DCTN5: variants seen among roughly 807,000 people sequenced by gnomAD.
DCTN5 encodes dynactin subunit 5.
DCTN5 carries 14 observed loss-of-function variants against 23.5 expected under a neutral mutation model. The observed-to-expected ratio is 0.60, with a 90% CI of 0.39 to 0.93. DCTN5 has a LOEUF of 0.93. Among genes scored for constraint, DCTN5 ranks in the 40% least tolerant of loss-of-function variants. The pLI is 0.00. For missense variants in DCTN5, 156 were observed against 225.9 expected (o/e 0.69, Z 1.98); for synonymous variants, 67 against 79.6 (o/e 0.84, Z 0.84).
At chr16:23,652,014 AAC>A (rs1271605059) in intron 2 of DCTN5, among the ~76,000 whole-genome samples, 1 of 152,226 alleles carries the variant, frequency 6.6e-6, no homozygotes, top group Non-Finnish European at 1.5e-5. Context: ...CAGCCTGAGC[AAC>A]AGAGTAAGAC....
chr16:23,648,886 C>G (rs1400136566), intron 2 of DCTN5, among the ~76,000 whole-genome samples: 1 of 152,006 alleles, frequency 6.6e-6, no homozygotes, highest in Non-Finnish European at 1.5e-5. Flanking sequence ...GAGACAGAAT[C>G]CCGCTCCATT....
chr16:23,654,211 A>G (rs192341391), intron 2 of DCTN5, among the ~76,000 whole-genome samples: 32 of 152,350 alleles, frequency 2.1e-4, no homozygotes, highest in African/African-American at 7.7e-4. Context: ...TCTATTATAA[A>G]GACATGTGCA....
rs141198848 is a variant in DCTN5 at position 23,656,025 on chromosome 16, A to G, written c.118-2482A>G. On this transcript the variant is annotated intron_variant, in intron 2 of 5. Coordinates refer to ENST00000300087, the MANE Select transcript of DCTN5 (RefSeq NM_032486.4). ...AATTACTTGAGGCCAGGCATTTGTG[A>G]CCAGCCTGGGCAACATAGCAAGACC... is the stretch of plus-strand genomic sequence containing the variant. 5.9e-3 allele frequency among the ~76,000 whole-genome samples: 897 copies of G among 152,260 alleles called. 6 individuals are homozygous for G. Among genetic ancestry groups the G allele is most frequent in the Non-Finnish European group, 0.01 (700 of 68,028 alleles).
chr16:23,642,510 T>C (rs1967310132), intron 1 of DCTN5: 1 of 157,554 alleles, frequency 6.3e-6, no homozygotes, highest in African/African-American at 2.4e-5. Flanking sequence ...TGAGACAGGT[T>C]CTCACTCTGT....
chr16:23,649,857 AAG>A lies in DCTN5; in HGVS notation c.117+6836_117+6837del, dbSNP rs1195450814. Among the ~76,000 whole-genome samples the A allele has an allele frequency of 4.6e-5, 7 of 151,850 alleles. No individual in the cohort carries two copies. The East Asian group carries it at 1.4e-3, about 29-fold the overall frequency. On this transcript the variant is annotated intron_variant, in intron 2 of 5. Coordinates refer to ENST00000300087, the MANE Select transcript of DCTN5 (RefSeq NM_032486.4). ...TGTCTCAAAAAAAAAAAAAAAAAAA[AAG>A]ATTTCATTTTGAGTTGATTTTTGTG...
intron 2 of DCTN5, among the ~76,000 whole-genome samples, chr16:23,652,831 TATA>T (rs1967630092): frequency 6.6e-6 from 1 of 152,220 alleles, no homozygotes; most frequent in Non-Finnish European, 1.5e-5. Context: ...TTAATACATT[TATA>T]AAATTTATAA....
In DCTN5 at chr16:23,641,628, C is replaced by G. The variant is rs757882153; in HGVS notation, c.48+38C>G. 6 of 1,612,088 alleles carry G rather than the reference C, an allele frequency of 3.7e-6. 1 individual carries two copies. In the Admixed American group the frequency reaches 6.7e-5, roughly 18 times the overall value. The stretch of plus-strand genomic sequence containing the variant: ...AGATATGTATCCTCCTCTTTCCAAC[C>G]CTGCGTCCCTTTGAGGCCTGGTCGG... On this transcript the variant is annotated intron_variant, in intron 1 of 5. Transcript: ENST00000300087.
At chr16:23,652,621 A>G (rs1465900934) in intron 2 of DCTN5, among the ~76,000 whole-genome samples, 1 of 152,184 alleles carries the variant, frequency 6.6e-6, no homozygotes, top group African/African-American at 2.4e-5. Flanking sequence ...ATACATTTCT[A>G]TTACTCTAGT....
intron 5 of DCTN5, among the ~76,000 whole-genome samples, chr16:23,666,305 A>T (rs1279188630): frequency 6.6e-6 from 1 of 152,222 alleles, no homozygotes; most frequent in African/African-American, 2.4e-5. Flanking sequence ...CTGAAAAGTT[A>T]GCATAAACCA....
chr16:23,673,533 ATACCT>A lies in DCTN5; in HGVS notation c.*6392_*6396del, dbSNP rs376352078. 40 of 152,370 alleles carry A rather than the reference ATACCT, an allele frequency of 2.6e-4. No individual in the cohort carries two copies. The highest frequency in any genetic ancestry group is 9.6e-4 in the African/African-American group (40 of 41,594). The allele number at this position is 152,370 out of a possible 1,614,324, so 9.4% of individuals were successfully genotyped here. A position where few individuals can be genotyped will look rare whatever the true frequency, so the allele number is the denominator to read the frequency against. ...TGGTTGATTTCATTGCTTAAAAAAC[ATACCT>A]TAGCTGGACGCAGTGGCGTGCGCCT... On this transcript the variant is annotated 3_prime_UTR_variant, in exon 6 of 6. Coordinates refer to ENST00000300087, the MANE Select transcript of DCTN5 (RefSeq NM_032486.4).
At chr16:23,662,399 G>T (rs1328117494) in intron 4 of DCTN5, among the ~76,000 whole-genome samples, 2 of 152,156 alleles carry the variant, frequency 1.3e-5, no homozygotes, top group East Asian at 3.8e-4. Flanking sequence ...CCCAACCAAG[G>T]CTTAACAAGG....
chr16:23,663,771 C>A (rs1967858925), intron 4 of DCTN5, among the ~76,000 whole-genome samples: 1 of 151,944 alleles, frequency 6.6e-6, no homozygotes, highest in African/African-American at 2.4e-5. Context: ...ATTACCAGTA[C>A]ATTCATGCCT....
intron 2 of DCTN5, among the ~76,000 whole-genome samples, chr16:23,654,324 C>A (rs1356016939): frequency 6.6e-6 from 1 of 152,106 alleles, no homozygotes; most frequent in Non-Finnish European, 1.5e-5. Context: ...TACAGGTACA[C>A]CATGAAATAC....
chr16:23,644,189 G>A (rs557277577), intron 2 of DCTN5, among the ~76,000 whole-genome samples: 2 of 151,798 alleles, frequency 1.3e-5, no homozygotes, highest in African/African-American at 2.4e-5. Flanking sequence ...GTACAGTGGC[G>A]CGATCTTGGC....
At chr16:23,662,322 C>T (rs754191797) in intron 4 of DCTN5, among the ~76,000 whole-genome samples, 11 of 152,042 alleles carry the variant, frequency 7.2e-5, no homozygotes, top group Non-Finnish European at 1.0e-4. Context: ...AGGGTGCAAG[C>T]GGGCCCCTTG....
At chr16:23,665,560 A>T in intron 4 of DCTN5, 66 bp from the exon 5 acceptor site, 4 of 1,458,716 alleles carry the variant, frequency 2.7e-6, no homozygotes, top group Non-Finnish European at 2.8e-6. Context: ...ATGAATGGGG[A>T]AAATAGAAAG....
chr16:23,651,227 G>A (rs1459488844), intron 2 of DCTN5: 33 of 1,012,598 alleles, frequency 3.3e-5, no homozygotes, highest in Non-Finnish European at 3.9e-5. Context: ...TGAACTCTTT[G>A]CTTTGCTTCT....
rs183508031 is a variant in DCTN5 at position 23,662,282 on chromosome 16, A to C, written c.348+1001A>C. 2.3e-3 allele frequency among the ~76,000 whole-genome samples: 348 copies of C among 152,282 alleles called. 1 individual carries two copies. Among genetic ancestry groups the C allele is most frequent in the Non-Finnish European group, 3.6e-3 (244 of 68,008 alleles). Reference sequence around the variant, plus strand: ...GATTCACATGCGTAAGGAAGGGTTCAAGTCATCAAAGGGCATTTACATGTA... The same window carrying C: ...GATTCACATGCGTAAGGAAGGGTTCCAGTCATCAAAGGGCATTTACATGTA... On this transcript the variant is annotated intron_variant, in intron 4 of 5. Transcript: ENST00000300087.
rs371584747 is a variant in DCTN5, at chr16:23,644,289, A to G, written c.117+1266A>G. 1.6e-5 allele frequency among the ~76,000 whole-genome samples: 2 copies of G among 128,478 alleles called. 1 individual carries two copies. The highest frequency in any genetic ancestry group is 4.6e-4 in the East Asian group (2 of 4,328). 84.3% of individuals were successfully genotyped at this position (128,478 alleles called of 152,430 possible). On this transcript the variant is annotated intron_variant, in intron 2 of 5. Transcript: ENST00000300087. ...ATTACAGGCTCCCGCCATCATGCCC[A>G]CCTAATTTTTTTTTTTTTTTTTTTT...
Sources: allele counts gnomAD v4.1 joint callset (sites outside exome capture counted in the v4.1 genomes callset), GRCh38; gene constraint gnomAD v4.1.1; transcripts MANE v1.5; gene names NCBI Gene and HGNC (gene_info 2026-07-23, HGNC 2026-07-21).